FBXL7: variants seen among roughly 807,000 people sequenced by gnomAD.
FBXL7 encodes the protein F-box/LRR-repeat protein 7.
Under a neutral mutation model 38.3 loss-of-function variants are expected in FBXL7, and 12 were observed. The ratio of observed to expected loss-of-function variants is 0.31; its 90% CI spans 0.20 to 0.51. The LOEUF (loss-of-function observed/expected upper bound fraction) is 0.51, where lower values mean the gene tolerates loss of function less well. FBXL7 is among the 20% of genes least tolerant of loss of function. The pLI is 0.98. For missense variants in FBXL7, 567 were observed against 676.4 expected (o/e 0.84, Z 1.79); for synonymous variants, 297 against 300.9 (o/e 0.99, Z 0.13).
chr5:15,932,370 A>G (rs559527003), intron 3 of FBXL7, among the ~76,000 whole-genome samples: 6 of 152,338 alleles, frequency 3.9e-5, no homozygotes, highest in Admixed American at 6.5e-5. Context: ...TGACTTAACC[A>G]TCTGACACCC....
At chr5:15,774,197 C>T (rs778058168) in intron 2 of FBXL7, among the ~76,000 whole-genome samples, 16 of 151,884 alleles carry the variant, frequency 1.1e-4, no homozygotes, top group Admixed American at 6.6e-5. Flanking sequence ...TTCCTATGAT[C>T]CTTTTCTCAC....
chr5:15,843,120 GTTTA>G (rs1738794507), intron 2 of FBXL7, among the ~76,000 whole-genome samples: 1 of 151,676 alleles, frequency 6.6e-6, no homozygotes, highest in Admixed American at 6.6e-5. Flanking sequence ...TATCTCTCTT[GTTTA>G]TTTCCTCAAA....
chr5:15,840,518 T>C (rs577559583), intron 2 of FBXL7, among the ~76,000 whole-genome samples: 1 of 152,284 alleles, frequency 6.6e-6, no homozygotes, highest in East Asian at 1.9e-4. Context: ...CATTATGATA[T>C]TGAACATTTT....
At chr5:15,789,423 C>T (rs1737217714) in intron 2 of FBXL7, among the ~76,000 whole-genome samples, 1 of 152,164 alleles carries the variant, frequency 6.6e-6, no homozygotes, top group Admixed American at 6.5e-5. Context: ...TTTCCACCTG[C>T]ACAGCCCACC....
chr5:15,930,006 C>T (rs555839559), intron 3 of FBXL7, among the ~76,000 whole-genome samples: 50 of 152,204 alleles, frequency 3.3e-4, no homozygotes, highest in Non-Finnish European at 5.7e-4. Flanking sequence ...CTTGCTCTCT[C>T]TTTCGAAAGC....
chr5:15,894,573 A>G (rs1421690729), intron 2 of FBXL7, among the ~76,000 whole-genome samples: 4 of 152,292 alleles, frequency 2.6e-5, no homozygotes, highest in East Asian at 3.9e-4. Flanking sequence ...ATGAAATTGT[A>G]TTTTCTATTG....
At chr5:15,510,194 A>C (rs983189787) in intron 1 of FBXL7, among the ~76,000 whole-genome samples, 1 of 152,214 alleles carries the variant, frequency 6.6e-6, no homozygotes, top group Non-Finnish European at 1.5e-5. Context: ...CAATGTGTAG[A>C]AATGTTATTA....
At chr5:15,798,114 G>T (rs1247620667) in intron 2 of FBXL7, among the ~76,000 whole-genome samples, 2 of 152,178 alleles carry the variant, frequency 1.3e-5, no homozygotes, top group Non-Finnish European at 2.9e-5. Context: ...ATTTCACATA[G>T]TTCTTCCGAC....
intron 2 of FBXL7, among the ~76,000 whole-genome samples, chr5:15,746,540 C>A (rs538412733): frequency 1.3e-5 from 2 of 151,998 alleles, no homozygotes; most frequent in East Asian, 3.9e-4. Flanking sequence ...CCTCACATGG[C>A]AGGAGTGAGG....
chr5:15,758,385 G>A (rs1224725023), intron 2 of FBXL7, among the ~76,000 whole-genome samples: 1 of 151,576 alleles, frequency 6.6e-6, no homozygotes, highest in African/African-American at 2.4e-5. Context: ...GCCTGATGCT[G>A]AAATTTGGGC....
intron 2 of FBXL7, among the ~76,000 whole-genome samples, chr5:15,900,141 T>G (rs909836344): frequency 2.6e-5 from 4 of 152,168 alleles, no homozygotes; most frequent in Non-Finnish European, 4.4e-5. Flanking sequence ...ATATAATCAA[T>G]TTATTTTTTA....
At chr5:15,888,695 A>G (rs1255921380) in intron 2 of FBXL7, among the ~76,000 whole-genome samples, 1 of 152,170 alleles carries the variant, frequency 6.6e-6, no homozygotes. Context: ...AACCTTCTGC[A>G]CTTCTCTTTC....
intron 2 of FBXL7, among the ~76,000 whole-genome samples, chr5:15,816,372 A>G (rs2126759196): frequency 6.6e-6 from 1 of 152,312 alleles, no homozygotes; most frequent in East Asian, 1.9e-4. Flanking sequence ...CATTATTCGA[A>G]GAGAAGTAAC....
intron 1 of FBXL7, among the ~76,000 whole-genome samples, chr5:15,506,723 G>A (rs542232255): frequency 9.7e-4 from 147 of 151,884 alleles, no homozygotes; most frequent in African/African-American, 3.3e-3. Context: ...AAGAGAGCAA[G>A]CTAACTCTCT....
chr5:15,833,665 G>A (rs567685936), intron 2 of FBXL7, among the ~76,000 whole-genome samples: 3 of 152,174 alleles, frequency 2.0e-5, no homozygotes, highest in African/African-American at 7.2e-5. Context: ...ATGGGGCAAG[G>A]CTTTGCCGTT....
chr5:15,760,287 T>G (rs1736405368), intron 2 of FBXL7, among the ~76,000 whole-genome samples: 1 of 151,984 alleles, frequency 6.6e-6, no homozygotes, highest in Admixed American at 6.6e-5. Flanking sequence ...CATAGGAAAA[T>G]GATTAGCTGT....
chr5:15,756,554 G>A (rs750575395), intron 2 of FBXL7, among the ~76,000 whole-genome samples: 6 of 152,158 alleles, frequency 3.9e-5, no homozygotes, highest in East Asian at 1.9e-4. Flanking sequence ...GTCACTATCC[G>A]GACCATTTTT....
chr5:15,716,199 G>A lies in FBXL7; in HGVS notation c.127+100127G>A, dbSNP rs116773566. 6.3e-3 allele frequency among the ~76,000 whole-genome samples: 958 copies of A among 152,294 alleles called. 11 individuals carry two copies. The highest frequency in any genetic ancestry group is 0.022 in the African/African-American group (907 of 41,550). On this transcript the variant is annotated intron_variant, in intron 2 of 3. Transcript: ENST00000504595. ...CTATTGTTTATCCTTACTCCCTGGG[G>A]CATCTCTCTTGAGATGAAGATTTGC...
chr5:15,935,530 C>T (rs1174268771), intron 3 of FBXL7, among the ~76,000 whole-genome samples: 1 of 144,230 alleles, frequency 6.9e-6, no homozygotes, highest in Non-Finnish European at 1.5e-5. Flanking sequence ...GGCGTCATCC[C>T]GAGGCTTTGC....
Sources: allele counts gnomAD v4.1 joint callset (sites outside exome capture counted in the v4.1 genomes callset), GRCh38; gene constraint gnomAD v4.1.1; transcripts MANE v1.5; gene names NCBI Gene and HGNC (gene_info 2026-07-23, HGNC 2026-07-21).